PCLO: variants seen among roughly 807,000 people sequenced by gnomAD.
PCLO encodes protein piccolo.
In PCLO, 82 loss-of-function variants were observed where a neutral mutation model predicts 427.5. The ratio of observed to expected loss-of-function variants is 0.19; its 90% CI spans 0.16 to 0.23. The LOEUF is 0.23. Among genes scored for constraint, PCLO ranks in the 10% least tolerant of loss-of-function variants. PCLO has a pLI of 1.00. For synonymous variants in PCLO, 2,357 were observed against 2,155.4 expected, an observed-to-expected ratio of 1.09 and a Z score of -2.59; for missense variants, 6,239 against 6,115.9, an observed-to-expected ratio of 1.02 and a Z score of -0.67.
intron 2 of PCLO, among the ~76,000 whole-genome samples, chr7:83,149,112 T>C (rs868697778): frequency 2.6e-5 from 4 of 152,324 alleles, no homozygotes; most frequent in Middle Eastern, 3.4e-3. Context: ...ACCCTTTCAT[T>C]TGTGGATTAA....
At chr7:83,038,029 A>ATATATATATTTATATC (rs1788855213) in intron 3 of PCLO, among the ~76,000 whole-genome samples, 1 of 36,496 alleles carries the variant, frequency 2.7e-5, no homozygotes, top group African/African-American at 1.9e-4. Flanking sequence ...ATATATATAT[A>ATATATATATTTATATC]TTTATATATT....
chr7:83,109,946 G>C (rs1790961109), intron 3 of PCLO, among the ~76,000 whole-genome samples: 2 of 151,546 alleles, frequency 1.3e-5, no homozygotes, highest in Non-Finnish European at 2.9e-5. Flanking sequence ...AGACTGTCTG[G>C]GTTAGCATTT....
At chr7:82,801,718 A>T in intron 21 of PCLO, 127 bp from the exon 22 acceptor site, 1 of 609,622 alleles carries the variant, frequency 1.6e-6, no homozygotes, top group Non-Finnish European at 2.9e-6. Flanking sequence ...TGCACAACCG[A>T]ATATTTTTGG....
At chr7:82,774,572 AT>A (rs1285400946) in intron 22 of PCLO, among the ~76,000 whole-genome samples, 1 of 152,150 alleles carries the variant, frequency 6.6e-6, no homozygotes, top group Non-Finnish European at 1.5e-5. Flanking sequence ...TACTTTAATA[AT>A]TTTTTTAAAG....
At chr7:82,821,224 G>A in intron 20 of PCLO, 2 of 988,768 alleles carry the variant, frequency 2.0e-6, no homozygotes, top group Middle Eastern at 5.2e-4. Context: ...TTCTTTGAAT[G>A]GGGAGGACTC....
At chr7:82,979,718 T>C (rs75153683) in intron 3 of PCLO, among the ~76,000 whole-genome samples, 1,952 of 152,248 alleles carry the variant, frequency 0.013, 47 homozygotes, top group African/African-American at 0.044. Context: ...CTTTCACATG[T>C]GTTGTTTGTC....
At chr7:83,078,305 A>G (rs1224161123) in intron 3 of PCLO, among the ~76,000 whole-genome samples, 1 of 152,102 alleles carries the variant, frequency 6.6e-6, no homozygotes, top group Non-Finnish European at 1.5e-5. Flanking sequence ...AGAATTTACA[A>G]TAGTCTGGTA....
chr7:83,026,768 G>C (rs1386103222), intron 3 of PCLO, among the ~76,000 whole-genome samples: 2 of 151,070 alleles, frequency 1.3e-5, no homozygotes, highest in East Asian at 1.9e-4. Flanking sequence ...TCAGACCACA[G>C]TGCAATCAAA....
At chr7:82,862,962 A>G (rs947885964) in intron 10 of PCLO, among the ~76,000 whole-genome samples, 6 of 152,002 alleles carry the variant, frequency 3.9e-5, no homozygotes, top group Non-Finnish European at 7.4e-5. Context: ...TATAGTCAAT[A>G]ATAACTTAAT....
rs368895581 is a variant in PCLO, at chr7:82,817,240, G to A, written c.14791+5255C>T. Among the ~76,000 whole-genome samples the A allele has an allele frequency of 1.4e-4, 21 of 152,136 alleles. No individual in the cohort carries two copies. The East Asian group carries it at 3.5e-3, about 25-fold the overall frequency. ...TTTCTTTTTATTTTAAACTGCTCAAGGTTTAAAAAATTTTTTTGCACAAAC... is the reference window on the plus strand; with the variant it reads ...TTTCTTTTTATTTTAAACTGCTCAAAGTTTAAAAAATTTTTTTGCACAAAC... On this transcript the variant is annotated intron_variant, in intron 20 of 24. Transcript: ENST00000333891.
At position 82,824,256 on chromosome 7, in the gene PCLO, A is replaced by C. The variant is rs1419470689; in HGVS notation, c.14576T>G (p.Ile4859Ser). 1.2e-6 allele frequency: 2 copies of C among 1,612,580 alleles called. No homozygotes were observed. Among genetic ancestry groups the C allele is most frequent in the East Asian group, 4.5e-5 (2 of 44,792 alleles). The change falls in exon 19 of 25, where the codon ATC (isoleucine) becomes AGC (serine). Residue 4859 changes from isoleucine (I) to serine (S), a missense_variant. Transcript: ENST00000333891. ...CCTACCCTTTGATGGGTCAGGGAAG[A>C]TACCATGGCTTCTGCTTTTGATAAC... is the stretch of plus-strand genomic sequence containing the variant. ...PSVIKSRSHG[I>S]FPDPSKDMQV...
intron 14 of PCLO, among the ~76,000 whole-genome samples, chr7:82,839,012 C>T (rs1792300830): frequency 1.3e-5 from 2 of 151,924 alleles, no homozygotes; most frequent in South Asian, 2.1e-4. Context: ...ACAATTGTGG[C>T]TGAATACTAA....
intron 7 of PCLO, among the ~76,000 whole-genome samples, chr7:82,912,548 T>C (rs1343485863): frequency 6.6e-6 from 1 of 152,028 alleles, no homozygotes; most frequent in Non-Finnish European, 1.5e-5. Context: ...CCTTGTCTGC[T>C]TAATTTTAAA....
rs776546959 is a variant in PCLO at position 83,000,290 on chromosome 7, AGAGAGAGAG to A, written c.3301-33812_3301-33804del. ...TGTTGAGAGAGAGAGAGAGAGAGAG[AGAGAGAGAG>A]AGAGAGAAAATAAACCAGAGTATAG... On this transcript the variant is annotated intron_variant, in intron 3 of 24. Transcript: ENST00000333891. Among the ~76,000 whole-genome samples, 26 of 149,484 alleles carry A rather than the reference AGAGAGAGAG, an allele frequency of 1.7e-4. 1 individual carries two copies. The highest frequency in any genetic ancestry group is 8.1e-4 in the East Asian group (4 of 4,956).
chr7:83,031,285 A>C (rs1191978947), intron 3 of PCLO, among the ~76,000 whole-genome samples: 2 of 152,138 alleles, frequency 1.3e-5, no homozygotes, highest in Non-Finnish European at 2.9e-5. Context: ...CAAATACCAC[A>C]CTATTAGAAA....
Position 82,758,691 on chromosome 7 carries a change from T to C in PCLO, c.15313A>G (p.Lys5105Glu). ...CCAATCAAGGTCTTTTTCATAAACT[T>C]CCCTCCATTGGAGAAAAGTAAAATC... The part of the protein sequence containing the change: ...LQILLFSNGG[K>E]FMKKTLIGEA... The change falls in exon 25 of 25, where the codon AAG becomes GAG. Residue 5105 changes from lysine (K) to glutamate (E), a missense_variant. By Grantham distance (56) the Lys-to-Glu change is moderately conservative. Transcript: ENST00000333891. The C allele has an allele frequency of 6.2e-7, 1 of 1,603,410 alleles. No individual in the cohort carries two copies. Among genetic ancestry groups the C allele is most frequent in the Non-Finnish European group, 8.5e-7 (1 of 1,171,982 alleles).
At chr7:83,065,131 T>C (rs571014301) in intron 3 of PCLO, among the ~76,000 whole-genome samples, 4 of 151,886 alleles carry the variant, frequency 2.6e-5, no homozygotes, top group South Asian at 2.1e-4. Context: ...TTCAGAGGCA[T>C]ATACTTCATC....
rs1338123037 is a variant in PCLO at position 82,756,829 on chromosome 7, T to G, written c.*1746A>C. On this transcript the variant is annotated 3_prime_UTR_variant, in exon 25 of 25. Coordinates refer to ENST00000333891, the MANE Select transcript of PCLO (RefSeq NM_033026.6). ...AATTTGGGATAGCAAAATTTGCATTTTCATGTAATTCTTCACCTTTAGTCA... is the reference window on the plus strand; with the variant it reads ...AATTTGGGATAGCAAAATTTGCATTGTCATGTAATTCTTCACCTTTAGTCA... 1 of 152,050 alleles carries G rather than the reference T, an allele frequency of 6.6e-6. No homozygotes were observed. Among genetic ancestry groups the G allele is most frequent in the African/African-American group, 2.4e-5 (1 of 41,422 alleles). The allele number at this position is 152,050 out of a possible 1,614,324, so 9.4% of individuals were successfully genotyped here.
intron 6 of PCLO, among the ~76,000 whole-genome samples, chr7:82,929,211 A>AT (rs1420678345): frequency 6.6e-6 from 1 of 152,170 alleles, no homozygotes; most frequent in Non-Finnish European, 1.5e-5. Flanking sequence ...TAACTAAAAG[A>AT]TTAAGATTTA....
Sources: allele counts gnomAD v4.1 joint callset (sites outside exome capture counted in the v4.1 genomes callset), GRCh38; gene constraint gnomAD v4.1.1; transcripts MANE v1.5; gene names NCBI Gene and HGNC (gene_info 2026-07-23, HGNC 2026-07-21).